NLGN4X: variants seen among roughly 807,000 people sequenced by gnomAD.
NLGN4X encodes the protein neuroligin-4, X-linked.
In NLGN4X, 3 loss-of-function variants were observed where a neutral mutation model predicts 40.3. The observed-to-expected ratio is 0.07, with a 90% CI of 0.03 to 0.19. NLGN4X has a LOEUF of 0.19. Among genes scored for constraint, NLGN4X ranks in the 10% least tolerant of loss-of-function variants. NLGN4X has a pLI of 1.00. For missense variants in NLGN4X, 382 were observed against 708.3 expected (o/e 0.54, Z 5.23); for synonymous variants, 270 against 306.8 (o/e 0.88, Z 1.25).
rs145057799 is a variant in NLGN4X, at chrX:6,137,019, T to G, written c.472+13976A>C. The stretch of plus-strand genomic sequence containing the variant: ...ATACCTAATCCAGACTGCATTCATT[T>G]CTGGGGCTTTGTAACTAATTACCAC... On this transcript the variant is annotated intron_variant, in intron 2 of 5. Coordinates refer to ENST00000381095, the MANE Select transcript of NLGN4X (RefSeq NM_181332.3). Among the ~76,000 whole-genome samples, 1,034 of 112,472 alleles carry G rather than the reference T, an allele frequency of 9.2e-3. 8 individuals carry two copies. The highest frequency in any genetic ancestry group is 0.032 in the African/African-American group (991 of 31,003).
intron 3 of NLGN4X, among the ~76,000 whole-genome samples, chrX:5,936,194 A>G (rs903562797): frequency 3.6e-5 from 4 of 112,071 alleles, no homozygotes; most frequent in Admixed American, 1.9e-4. Flanking sequence ...TTGAGGTATA[A>G]AAAAATGATA....
In NLGN4X at chrX:5,978,272, TTTTCTTTCTTTCTTTCTTTCTTTCTTTC is replaced by T. The variant is rs780650966; in HGVS notation, c.625+50980_625+51007del. Among the ~76,000 whole-genome samples, 73 of 20,332 alleles carry T rather than the reference TTTTCTTTCTTTCTTTCTTTCTTTCTTTC, an allele frequency of 3.6e-3. 2 individuals carry two copies. In the East Asian group the frequency reaches 0.1, roughly 28 times the overall value. The allele number at this position is 20,332 out of a possible 115,157, so 17.7% of individuals were successfully genotyped here. On this transcript the variant is annotated intron_variant, in intron 3 of 5. Coordinates refer to ENST00000381095, the MANE Select transcript of NLGN4X (RefSeq NM_181332.3). ...GAATTAAAAAGACAGGCGTCTCTTTTTTTCTTTCTTTCTTTCTTTCTTTCTTTCTTTCTTTCTTTCTTTCTTTCTTTCT... is the reference window on the plus strand; with the variant it reads ...GAATTAAAAAGACAGGCGTCTCTTTTTTTCTTTCTTTCTTTCTTTCTTTCT...
chrX:6,056,830 C>G (rs2037644044), intron 2 of NLGN4X, among the ~76,000 whole-genome samples: 1 of 111,851 alleles, frequency 8.9e-6, no homozygotes, highest in South Asian at 3.7e-4. Flanking sequence ...AGAACATTTC[C>G]TAAGTCACCA....
intron 3 of NLGN4X, among the ~76,000 whole-genome samples, chrX:5,948,367 A>G (rs2034198605): frequency 8.9e-6 from 1 of 112,371 alleles, no homozygotes; most frequent in Non-Finnish European, 1.9e-5. Flanking sequence ...TTGCTATCCA[A>G]TGGAAATTAT....
chrX:5,932,680 T>C (rs1225999952), intron 3 of NLGN4X, among the ~76,000 whole-genome samples: 5 of 110,091 alleles, frequency 4.5e-5, no homozygotes, highest in Non-Finnish European at 1.9e-5. Context: ...AATTACCAAA[T>C]TGGAAGATCA....
chrX:5,892,712 G>A lies in NLGN4X; in HGVS notation c.*105C>T. 3 of 1,102,341 alleles carry A rather than the reference G, an allele frequency of 2.7e-6. No homozygotes were observed. Among genetic ancestry groups the A allele is most frequent in the Non-Finnish European group, 3.7e-6 (3 of 816,653 alleles). The allele number at this position is 1,102,341 out of a possible 1,213,427, so 90.8% of individuals were successfully genotyped here. A position where few individuals can be genotyped will look rare whatever the true frequency, so the allele number is the denominator to read the frequency against. On this transcript the variant is annotated 3_prime_UTR_variant, in exon 6 of 6. Transcript: ENST00000381095. Reference sequence around the variant, plus strand: ...AAGTCAGTGGGACAAAAACATTCCTGGTCTGGAGACTTTCTTTCTCTCTCT... The same window carrying A: ...AAGTCAGTGGGACAAAAACATTCCTAGTCTGGAGACTTTCTTTCTCTCTCT...
chrX:6,224,022 G>A (rs1206444755), intron 1 of NLGN4X, among the ~76,000 whole-genome samples: 2 of 112,561 alleles, frequency 1.8e-5, no homozygotes, highest in Admixed American at 9.4e-5. Flanking sequence ...ATACATTCTG[G>A]TTTACAAACT....
intron 3 of NLGN4X, among the ~76,000 whole-genome samples, chrX:5,934,697 C>T (rs73450242): frequency 0.25 from 27,417 of 110,926 alleles, 2,718 homozygotes; most frequent in African/African-American, 0.37. Context: ...AATGGCTATT[C>T]GTTTATGCTG....
At chrX:6,109,260 CA>C (rs2039094777) in intron 2 of NLGN4X, among the ~76,000 whole-genome samples, 1 of 111,525 alleles carries the variant, frequency 9.0e-6, no homozygotes, top group African/African-American at 3.3e-5. Context: ...GAGCAAGACC[CA>C]GTCTCTAAAA....
chrX:6,086,899 G>A (rs922510093), intron 2 of NLGN4X, among the ~76,000 whole-genome samples: 3 of 111,331 alleles, frequency 2.7e-5, no homozygotes, highest in African/African-American at 6.5e-5. Flanking sequence ...CTCCCAAAGC[G>A]CTGCAGTCAC....
rs140900557 is a variant in NLGN4X at position 6,215,020 on chromosome X, G to A, written c.-306+13521C>T. ...CCAACAAGTTCAGCTTTTAATGTGGGACATGTCTTTTCCTGCTTTCTCTGC... is the reference window on the plus strand; with the variant it reads ...CCAACAAGTTCAGCTTTTAATGTGGAACATGTCTTTTCCTGCTTTCTCTGC... On this transcript the variant is annotated intron_variant, in intron 1 of 5. Transcript: ENST00000381095. Among the ~76,000 whole-genome samples, 526 of 112,132 alleles carry A rather than the reference G, an allele frequency of 4.7e-3. 1 individual carries two copies. Among genetic ancestry groups the A allele is most frequent in the African/African-American group, 0.015 (454 of 30,882 alleles).
intron 2 of NLGN4X, among the ~76,000 whole-genome samples, chrX:6,038,828 T>C (rs189625526): frequency 8.3e-4 from 93 of 111,941 alleles, no homozygotes; most frequent in Non-Finnish European, 1.4e-3. Flanking sequence ...GGTCATCCTT[T>C]TGTGATGTGG....
At chrX:5,928,835 T>C (rs1185605134) in intron 3 of NLGN4X, among the ~76,000 whole-genome samples, 1 of 105,018 alleles carries the variant, frequency 9.5e-6, no homozygotes, top group Admixed American at 1.0e-4. Context: ...ATAGAAAGAC[T>C]TATTTTTTTT....
intron 1 of NLGN4X, among the ~76,000 whole-genome samples, chrX:6,200,575 G>A (rs1429969882): frequency 9.0e-6 from 1 of 110,991 alleles, no homozygotes; most frequent in Non-Finnish European, 1.9e-5. Context: ...TTTAGACTAC[G>A]AAGGAGAAAG....
At chrX:6,052,652 C>T (rs1363492996) in intron 2 of NLGN4X, among the ~76,000 whole-genome samples, 1 of 112,280 alleles carries the variant, frequency 8.9e-6, no homozygotes, top group Non-Finnish European at 1.9e-5. Context: ...CCACCTCCAT[C>T]TCTACAGGCC....
intron 1 of NLGN4X, among the ~76,000 whole-genome samples, chrX:6,212,748 C>A (rs1356077784): frequency 8.9e-6 from 1 of 111,850 alleles, no homozygotes; most frequent in Non-Finnish European, 1.9e-5. Context: ...ACCAGCAGGG[C>A]TGAGAGTTTC....
intron 2 of NLGN4X, among the ~76,000 whole-genome samples, chrX:6,146,121 G>GAA (rs779983813): frequency 2.8e-5 from 2 of 71,261 alleles, no homozygotes; most frequent in Admixed American, 1.6e-4. Context: ...TTTCTAAAAG[G>GAA]AAAAAAAAAA....
chrX:6,026,255 C>A (rs1024470627), intron 3 of NLGN4X, among the ~76,000 whole-genome samples: 6 of 109,817 alleles, frequency 5.5e-5, no homozygotes, highest in African/African-American at 2.0e-4. Context: ...AAAAAAAAAT[C>A]TTAAAACAAT....
chrX:6,061,688 C>A (rs894826563), intron 2 of NLGN4X: 1 of 111,867 alleles, frequency 8.9e-6, no homozygotes, highest in Non-Finnish European at 1.9e-5. Context: ...ATCAGACAGA[C>A]AAAAGGACGA....
Sources: gnomAD v4.1 joint callset for allele counts (sites outside exome capture counted in the v4.1 genomes callset) on GRCh38, gnomAD v4.1.1 for gene constraint, MANE v1.5 for transcripts, NCBI Gene and HGNC (gene_info 2026-07-23, HGNC 2026-07-21) for gene names.